ADAMTS20: variants seen among roughly 807,000 people sequenced by gnomAD.
ADAMTS20 encodes A disintegrin and metalloproteinase with thrombospondin motifs 20.
Under a neutral mutation model 260.1 loss-of-function variants are expected in ADAMTS20, and 225 were observed. The ratio of observed to expected loss-of-function variants is 0.87; its 90% CI spans 0.78 to 0.97. ADAMTS20 has a LOEUF of 0.97. ADAMTS20 is among the 50% of genes least tolerant of loss of function. The pLI, the probability that ADAMTS20 is intolerant of heterozygous loss-of-function variation, is 0.00. For missense variants in ADAMTS20, 2,400 were observed against 2,337.7 expected, an observed-to-expected ratio of 1.03 and a Z score of -0.55; for synonymous variants, 802 against 769.5, an observed-to-expected ratio of 1.04 and a Z score of -0.70.
chr12:43,471,291 G>T (rs1311439743), intron 7 of ADAMTS20, among the ~76,000 whole-genome samples: 1 of 151,942 alleles, frequency 6.6e-6, no homozygotes, highest in East Asian at 1.9e-4. Context: ...CTTAAAACAC[G>T]GCGCACCACG....
chr12:43,456,203 T>C (rs947411003), intron 11 of ADAMTS20, among the ~76,000 whole-genome samples: 38 of 152,282 alleles, frequency 2.5e-4, no homozygotes, highest in African/African-American at 9.1e-4. Context: ...TTATAAATAA[T>C]CAGAAATTTT....
intron 36 of ADAMTS20, among the ~76,000 whole-genome samples, chr12:43,374,090 G>A (rs962908802): frequency 1.3e-5 from 2 of 152,178 alleles, no homozygotes; most frequent in Middle Eastern, 3.4e-3. Flanking sequence ...TGAGGGAACC[G>A]AGGCTTAAAG....
At position 43,452,377 on chromosome 12, in the gene ADAMTS20, T is replaced by C. The variant is rs1406977000; in HGVS notation, c.1976A>G (p.Gln659Arg). The change falls in exon 14 of 39, where the codon CAG becomes CGG. Residue 659 changes from glutamine (Q) to arginine (R), a missense_variant. By Grantham distance (43) the Gln-to-Arg change is conservative. Transcript: ENST00000389420. ...GTAGAAATAATTGGTTCCAGCAACCTGACAATAGAGTTTACAACGATCCTT... is the reference window on the plus strand; with the variant it reads ...GTAGAAATAATTGGTTCCAGCAACCCGACAATAGAGTTTACAACGATCCTT... ...GTKDRCKLYC[Q>R]VAGTNYFYLL... 2 of 1,613,296 alleles carry C rather than the reference T, an allele frequency of 1.2e-6. No homozygotes were observed. Among genetic ancestry groups the C allele is most frequent in the Admixed American group, 1.7e-5 (1 of 59,926 alleles).
At position 43,443,777 on chromosome 12, in the gene ADAMTS20, C is replaced by T. The variant is rs200747083; in HGVS notation, c.2290+14G>A. ...TAAGCCACATACTGGCTGTTGTTTACGAGAAATGTTTACCAAGGTAACTGT... is the reference window on the plus strand; with the variant it reads ...TAAGCCACATACTGGCTGTTGTTTATGAGAAATGTTTACCAAGGTAACTGT... On this transcript the variant is annotated intron_variant, in intron 16 of 38. Coordinates refer to ENST00000389420, the MANE Select transcript of ADAMTS20 (RefSeq NM_025003.5). 4.0e-4 allele frequency: 636 copies of T among 1,605,264 alleles called. 2 individuals are homozygous for T. Among genetic ancestry groups the T allele is most frequent in the Non-Finnish European group, 4.9e-4 (580 of 1,172,536 alleles).
At chr12:43,470,280 A>T (rs183186567) in intron 7 of ADAMTS20, among the ~76,000 whole-genome samples, 1 of 152,322 alleles carries the variant, frequency 6.6e-6, no homozygotes, top group Non-Finnish European at 1.5e-5. Context: ...CACAATTCCA[A>T]TATTTTCATT....
chr12:43,412,499 T>G (rs1258261463), intron 28 of ADAMTS20, among the ~76,000 whole-genome samples: 1 of 152,236 alleles, frequency 6.6e-6, no homozygotes, highest in African/African-American at 2.4e-5. Flanking sequence ...AGATTTCTGT[T>G]GTTTTGTTCT....
intron 14 of ADAMTS20, among the ~76,000 whole-genome samples, chr12:43,447,618 A>C (rs1941786904): frequency 6.6e-6 from 1 of 152,138 alleles, no homozygotes; most frequent in South Asian, 2.1e-4. Context: ...CCTATTTAAC[A>C]TAGTACTGAA....
At chr12:43,366,690 C>T (rs2137194965) in intron 37 of ADAMTS20, among the ~76,000 whole-genome samples, 1 of 151,852 alleles carries the variant, frequency 6.6e-6, no homozygotes, top group East Asian at 1.9e-4. Context: ...TTAAACTCCA[C>T]ACTCTTAAAT....
chr12:43,434,477 T>C (rs1941511544), intron 18 of ADAMTS20, 106 bp from the exon 19 acceptor site: 1 of 1,208,074 alleles, frequency 8.3e-7, no homozygotes, highest in Non-Finnish European at 1.1e-6. Context: ...GCTAAGCAAG[T>C]AAAAATTTCC....
At chr12:43,507,206 G>A (rs1227005784) in intron 3 of ADAMTS20, among the ~76,000 whole-genome samples, 1 of 152,130 alleles carries the variant, frequency 6.6e-6, no homozygotes, top group Admixed American at 6.5e-5. Context: ...TCATCATGAT[G>A]TATACCTTGA....
At chr12:43,492,693 T>A in intron 5 of ADAMTS20, 64 bp from the exon 6 acceptor site, 1 of 1,568,462 alleles carries the variant, frequency 6.4e-7, no homozygotes. Context: ...CTTCCAAGTT[T>A]ATCAGCATCT....
At chr12:43,498,654 T>G (rs935143236) in intron 4 of ADAMTS20, among the ~76,000 whole-genome samples, 1 of 152,212 alleles carries the variant, frequency 6.6e-6, no homozygotes, top group African/African-American at 2.4e-5. Context: ...GAAATATCTG[T>G]GGACACTTAT....
chr12:43,495,316 CAT>C (rs1942662056), intron 4 of ADAMTS20, among the ~76,000 whole-genome samples: 1 of 152,004 alleles, frequency 6.6e-6, no homozygotes, highest in Non-Finnish European at 1.5e-5. Context: ...GGCTATAAAA[CAT>C]AGTTATTTAA....
chr12:43,438,709 C>A (rs1941603024), intron 18 of ADAMTS20, among the ~76,000 whole-genome samples: 1 of 152,144 alleles, frequency 6.6e-6, no homozygotes, highest in Admixed American at 6.5e-5. Flanking sequence ...AAGCTCATCT[C>A]CACATGGTTC....
chr12:43,542,596 A>C (rs955758018), intron 2 of ADAMTS20, among the ~76,000 whole-genome samples: 1 of 152,030 alleles, frequency 6.6e-6, no homozygotes, highest in South Asian at 2.1e-4. Context: ...ACTTTAGTAC[A>C]GTTGGAATTT....
In ADAMTS20 at chr12:43,420,800, C is replaced by CTTTTTTTTTTTTTTTTTTTTTTTT. The variant is rs747496684; in HGVS notation, c.4284+4690_4284+4713dup. On this transcript the variant is annotated intron_variant, in intron 28 of 38. Transcript: ENST00000389420. ...TCTTCTTCTTCTCCTCCTCCTCCTT[C>CTTTTTTTTTTTTTTTTTTTTTTTT]TTTTTTTTTTTTTTTTTTTTTTTTT... Among the ~76,000 whole-genome samples, 84 of 55,512 alleles carry CTTTTTTTTTTTTTTTTTTTTTTTT rather than the reference C, an allele frequency of 1.5e-3. 15 individuals are homozygous for CTTTTTTTTTTTTTTTTTTTTTTTT. Among genetic ancestry groups the CTTTTTTTTTTTTTTTTTTTTTTTT allele is most frequent in the East Asian group, 6.8e-3 (5 of 734 alleles). 36.4% of individuals were successfully genotyped at this position (55,512 alleles called of 152,430 possible).
intron 4 of ADAMTS20, among the ~76,000 whole-genome samples, chr12:43,499,558 G>A (rs1366867899): frequency 2.0e-5 from 3 of 150,106 alleles, no homozygotes; most frequent in Admixed American, 6.7e-5. Context: ...GCACGATCTC[G>A]GCTGGGAACC....
At chr12:43,453,567 A>C (rs1340851234) in intron 12 of ADAMTS20, among the ~76,000 whole-genome samples, 1 of 152,178 alleles carries the variant, frequency 6.6e-6, no homozygotes, top group African/African-American at 2.4e-5. Flanking sequence ...ACATAAGTGA[A>C]AGTAGCCAGG....
chr12:43,390,386 T>C (rs193040171), intron 29 of ADAMTS20, among the ~76,000 whole-genome samples: 1 of 152,226 alleles, frequency 6.6e-6, no homozygotes, highest in Non-Finnish European at 1.5e-5. Context: ...AACTTTCTCA[T>C]TTTTTCAAAT....
Sources: allele counts gnomAD v4.1 joint callset (sites outside exome capture counted in the v4.1 genomes callset), GRCh38; gene constraint gnomAD v4.1.1; transcripts MANE v1.5; gene names NCBI Gene and HGNC (gene_info 2026-07-23, HGNC 2026-07-21).